The following NTM variants were observed in gnomAD, a reference collection of about 807,000 sequenced individuals.
NTM encodes the protein IgLON family member 2.
NTM carries 13 observed loss-of-function variants against 42.1 expected under a neutral mutation model. The ratio of observed to expected loss-of-function variants is 0.31; its 90% CI spans 0.20 to 0.49. The LOEUF (loss-of-function observed/expected upper bound fraction) is 0.49. NTM is among the 20% of genes least tolerant of loss of function. The pLI, the probability that NTM is intolerant of heterozygous loss-of-function variation, is 0.99. For synonymous variants in NTM, 187 were observed against 179.2 expected (o/e 1.04, Z -0.35); for missense variants, 373 against 452.8 (o/e 0.82, Z 1.60).
chr11:132,180,596 A>G (rs1254258021), intron 3 of NTM, among the ~76,000 whole-genome samples: 1 of 152,056 alleles, frequency 6.6e-6, no homozygotes, highest in Non-Finnish European at 1.5e-5. Context: ...AAACCAACCA[A>G]CCAACCGAAC....
At chr11:132,176,425 T>A (rs560712611) in intron 3 of NTM, among the ~76,000 whole-genome samples, 1 of 152,218 alleles carries the variant, frequency 6.6e-6, no homozygotes, top group South Asian at 2.1e-4. Flanking sequence ...GAAGTACTTA[T>A]AAGTTGAAGG....
At chr11:131,867,626 G>A (rs1466227651) in intron 1 of NTM, among the ~76,000 whole-genome samples, 1 of 151,994 alleles carries the variant, frequency 6.6e-6, no homozygotes, top group Non-Finnish European at 1.5e-5. Context: ...GCATGTGTGT[G>A]TCTGTGTTTA....
At chr11:132,107,542 AT>A (rs146205126) in intron 2 of NTM, among the ~76,000 whole-genome samples, 19,246 of 150,610 alleles carry the variant, frequency 0.13, 1,456 homozygotes, top group South Asian at 0.2. Flanking sequence ...ATTTAAAAAA[AT>A]TTTTTTTGTA....
At chr11:131,899,984 A>G (rs1156499782) in intron 1 of NTM, among the ~76,000 whole-genome samples, 1 of 152,240 alleles carries the variant, frequency 6.6e-6, no homozygotes, top group Admixed American at 6.5e-5. Context: ...ATCAAAACCA[A>G]TTATGTTCCA....
chr11:132,036,628 C>T (rs1156856030), intron 2 of NTM, among the ~76,000 whole-genome samples: 2 of 152,194 alleles, frequency 1.3e-5, no homozygotes, highest in African/African-American at 2.4e-5. Context: ...TGGCCCCCTC[C>T]ACTCTAACTC....
chr11:132,067,712 A>G (rs2056730669), intron 2 of NTM, among the ~76,000 whole-genome samples: 1 of 152,176 alleles, frequency 6.6e-6, no homozygotes, highest in Admixed American at 6.5e-5. Context: ...GGCTAATTTC[A>G]CTGCCCTCTG....
chr11:132,330,267 T>C, intron 8 of NTM, 82 bp downstream of exon 8: 1 of 1,478,468 alleles, frequency 6.8e-7, no homozygotes, highest in Non-Finnish European at 9.2e-7. Flanking sequence ...GATGCCTTCT[T>C]TCCTGAGCTA....
At chr11:131,560,445 A>T (rs1370600088) in intron 1 of NTM, among the ~76,000 whole-genome samples, 1 of 152,200 alleles carries the variant, frequency 6.6e-6, no homozygotes, top group African/African-American at 2.4e-5. Flanking sequence ...CTTAGAAAAA[A>T]ATCAATACCA....
chr11:132,307,410 A>T (rs2095127116), intron 4 of NTM, among the ~76,000 whole-genome samples: 1 of 152,174 alleles, frequency 6.6e-6, no homozygotes, highest in East Asian at 1.9e-4. Flanking sequence ...TGTCAAAATT[A>T]TTAATCACTT....
intron 4 of NTM, among the ~76,000 whole-genome samples, chr11:132,260,949 GA>G (rs1274779330): frequency 4.0e-5 from 6 of 150,290 alleles, no homozygotes; most frequent in African/African-American, 1.3e-4. Flanking sequence ...AAGGGAGACA[GA>G]GCCGTTGGCA....
chr11:131,838,606 T>A (rs1375955523), intron 1 of NTM, among the ~76,000 whole-genome samples: 4 of 152,162 alleles, frequency 2.6e-5, no homozygotes, highest in Admixed American at 1.3e-4. Flanking sequence ...AAGTGATCAA[T>A]GGAAAATATG....
At chr11:131,609,661 A>G (rs1267514841) in intron 1 of NTM, among the ~76,000 whole-genome samples, 1 of 152,224 alleles carries the variant, frequency 6.6e-6, no homozygotes, top group African/African-American at 2.4e-5. Flanking sequence ...ATGAGTAACA[A>G]TGCCAAGCCC....
At chr11:132,152,252 G>A (rs1200837139) in intron 3 of NTM, among the ~76,000 whole-genome samples, 2 of 152,120 alleles carry the variant, frequency 1.3e-5, no homozygotes, top group South Asian at 2.1e-4. Flanking sequence ...CAAGGCTCCC[G>A]GAGAGCTCTG....
rs1591788500 is a variant in NTM at position 131,780,055 on chromosome 11, T to C, written c.83-131509T>C. Among the ~76,000 whole-genome samples the C allele has an allele frequency of 2.0e-5, 3 of 152,328 alleles. No individual in the cohort carries two copies. In the South Asian group the frequency reaches 6.2e-4, roughly 32 times the overall value. On this transcript the variant is annotated intron_variant, in intron 1 of 8. Transcript: ENST00000683400. ...TCACAGGAACTTTCATAGGTTTCAGTGTCTTGAGGCTAGTGAATCTGGATG... is the reference window on the plus strand; with the variant it reads ...TCACAGGAACTTTCATAGGTTTCAGCGTCTTGAGGCTAGTGAATCTGGATG...
At chr11:132,039,931 C>G (rs2076971639) in intron 2 of NTM, among the ~76,000 whole-genome samples, 1 of 150,068 alleles carries the variant, frequency 6.7e-6, no homozygotes, top group African/African-American at 2.4e-5. Flanking sequence ...GCAGATATTA[C>G]TTTTTTTTTT....
intron 1 of NTM, among the ~76,000 whole-genome samples, chr11:131,640,989 A>C (rs959258934): frequency 6.6e-6 from 1 of 152,222 alleles, no homozygotes; most frequent in African/African-American, 2.4e-5. Context: ...AAAGGGAATC[A>C]TAGGGATGAC....
chr11:131,688,147 C>A (rs2074152293), intron 1 of NTM, among the ~76,000 whole-genome samples: 1 of 152,180 alleles, frequency 6.6e-6, no homozygotes, highest in Non-Finnish European at 1.5e-5. Context: ...GGCGCGCCTG[C>A]AGCTCCCCAG....
chr11:131,798,080 G>C (rs563696862), intron 1 of NTM, among the ~76,000 whole-genome samples: 1 of 152,094 alleles, frequency 6.6e-6, no homozygotes, highest in African/African-American at 2.4e-5. Context: ...TTGGCAGCTG[G>C]GCAGAAAAAA....
intron 4 of NTM, among the ~76,000 whole-genome samples, chr11:132,304,251 C>A (rs1393553015): frequency 6.6e-6 from 1 of 152,102 alleles, no homozygotes; most frequent in Non-Finnish European, 1.5e-5. Flanking sequence ...GTTATTTCCA[C>A]CTGAGGATGC....
Sources: allele counts gnomAD v4.1 joint callset (sites outside exome capture counted in the v4.1 genomes callset), GRCh38; gene constraint gnomAD v4.1.1; transcripts MANE v1.5; gene names NCBI Gene and HGNC (gene_info 2026-07-23, HGNC 2026-07-21).